The following SEC14L1 variants were observed in gnomAD, a reference collection of about 807,000 sequenced individuals.
SEC14L1 encodes SEC14-like protein 1.
In SEC14L1, 48 loss-of-function variants were observed where a neutral mutation model predicts 85.3. The observed-to-expected ratio is 0.56, with a 90% CI of 0.45 to 0.72. The LOEUF is 0.72. SEC14L1 is among the 30% of genes least tolerant of loss of function. The probability of loss-of-function intolerance (pLI) is 0.00; values close to 1 mark genes in which losing one functional copy is unlikely to be tolerated. For missense variants in SEC14L1, 682 were observed against 921.4 expected (o/e 0.74, Z 3.36); for synonymous variants, 391 against 355.5 (o/e 1.10, Z -1.12).
chr17:77,182,000 T>A (rs1308884486), intron 3 of SEC14L1, among the ~76,000 whole-genome samples: 3 of 152,132 alleles, frequency 2.0e-5, no homozygotes, highest in Admixed American at 6.5e-5. Context: ...GTAGAGAGAC[T>A]GAGGCCGTAG....
At chr17:77,158,539 G>A (rs1265947734) in intron 3 of SEC14L1, among the ~76,000 whole-genome samples, 1 of 152,012 alleles carries the variant, frequency 6.6e-6, no homozygotes, top group African/African-American at 2.4e-5. Context: ...TTGACCTTTT[G>A]TGTAACTGGG....
At chr17:77,088,776 C>T (rs1220145703) in exon 1 of SEC14L1, 1 of 152,342 alleles carries the variant, frequency 6.6e-6, no homozygotes, top group Non-Finnish European at 1.5e-5. Context: ...TGACTCAGGG[C>T]AGCCCTGACC....
intron 13 of SEC14L1, among the ~76,000 whole-genome samples, chr17:77,208,332 C>T (rs1480340742): frequency 1.3e-5 from 2 of 152,156 alleles, no homozygotes; most frequent in African/African-American, 4.8e-5. Context: ...TTCGTAGAAA[C>T]CTCTGAACTC....
At chr17:77,186,364 C>G (rs1366730984) in intron 3 of SEC14L1, among the ~76,000 whole-genome samples, 1 of 152,256 alleles carries the variant, frequency 6.6e-6, no homozygotes, top group African/African-American at 2.4e-5. Context: ...TGGCTGTGAA[C>G]AGACCCTGGC....
intron 3 of SEC14L1, among the ~76,000 whole-genome samples, chr17:77,135,871 T>C (rs371424711): frequency 6.6e-6 from 1 of 150,762 alleles, no homozygotes; most frequent in East Asian, 2.0e-4. Context: ...TCCTTCCTTC[T>C]CTTTCTTTTC....
chr17:77,166,061 A>G (rs1974264732), intron 3 of SEC14L1, among the ~76,000 whole-genome samples: 2 of 152,314 alleles, frequency 1.3e-5, no homozygotes, highest in East Asian at 3.9e-4. Flanking sequence ...CCTCCTTGAG[A>G]GGTTCATGTG....
chr17:77,195,181 A>C (rs1252620982), intron 7 of SEC14L1: 1 of 489,376 alleles, frequency 2.0e-6, no homozygotes, highest in African/African-American at 1.9e-5. Context: ...TTTGTTTAAG[A>C]AATGGGGTCT....
chr17:77,170,574 G>A (rs968348158), intron 3 of SEC14L1, among the ~76,000 whole-genome samples: 3 of 152,162 alleles, frequency 2.0e-5, no homozygotes, highest in Non-Finnish European at 1.5e-5. Flanking sequence ...TCAAAAGTGG[G>A]AATGTCAGTA....
In SEC14L1 at chr17:77,130,949, C is replaced by T. The variant is rs1972593834; in HGVS notation, c.-135-11697C>T. Among the ~76,000 whole-genome samples, 3 of 152,228 alleles carry T rather than the reference C, an allele frequency of 2.0e-5. No homozygotes were observed. The South Asian group carries it at 6.2e-4, about 32-fold the overall frequency. On this transcript the variant is annotated intron_variant, in intron 3 of 19. Transcript: ENST00000392476. ...GGCCTCATCAAAAGTTCATTTAGTT[C>T]AACCCAACAGATATTTAATAGGGTT...
At chr17:77,204,087 C>T (rs1484285281) in intron 10 of SEC14L1, among the ~76,000 whole-genome samples, 3 of 152,358 alleles carry the variant, frequency 2.0e-5, no homozygotes, top group South Asian at 4.1e-4. Flanking sequence ...CCCCGCTCCA[C>T]TGCTGCCGCC....
chr17:77,127,335 C>T (rs1477166061), intron 3 of SEC14L1, among the ~76,000 whole-genome samples: 1 of 150,906 alleles, frequency 6.6e-6, no homozygotes, highest in African/African-American at 2.5e-5. Flanking sequence ...TTTATGGTTT[C>T]AAGGGGTCTG....
At chr17:77,131,821 G>A (rs1287243927) in intron 3 of SEC14L1, among the ~76,000 whole-genome samples, 4 of 152,214 alleles carry the variant, frequency 2.6e-5, no homozygotes, top group Non-Finnish European at 5.9e-5. Context: ...ATTTTTGGGA[G>A]AGAATTCTGC....
chr17:77,209,481 G>C lies in SEC14L1; in HGVS notation c.1611+5G>C. 1 of 1,613,314 alleles carries C rather than the reference G, an allele frequency of 6.2e-7. No individual in the cohort carries two copies. The highest frequency in any genetic ancestry group is 8.5e-7 in the Non-Finnish European group (1 of 1,179,808). ...TTCAAAGGAGCCCCACATGAGGTACGTCCTCCGCCTTCCTGCACCTGGGCC... is the reference window on the plus strand; with the variant it reads ...TTCAAAGGAGCCCCACATGAGGTACCTCCTCCGCCTTCCTGCACCTGGGCC... On this transcript the variant is annotated splice_donor_5th_base_variant and intron_variant, in intron 14 of 16. Transcript: ENST00000436233.
intron 3 of SEC14L1, among the ~76,000 whole-genome samples, chr17:77,186,505 ATTGACTCCC>A (rs1299080377): frequency 6.6e-6 from 1 of 152,212 alleles, no homozygotes; most frequent in East Asian, 1.9e-4. Flanking sequence ...CATGGATGTC[ATTGACTCCC>A]TTCCCTCCCT....
At chr17:77,149,275 T>C (rs1190173555) in intron 3 of SEC14L1, among the ~76,000 whole-genome samples, 4 of 152,188 alleles carry the variant, frequency 2.6e-5, no homozygotes, top group Non-Finnish European at 4.4e-5. Flanking sequence ...TTGACAGTTA[T>C]TTGTCTTGTT....
In SEC14L1 at chr17:77,213,612, G is replaced by A; in HGVS notation, c.2042+120G>A. The stretch of plus-strand genomic sequence containing the variant: ...GGCGGGTGTCAGGAATGCTTGGAGG[G>A]CCAGGAGGGAGTGGCTTTGGGGTCA... On this transcript the variant is annotated intron_variant, in intron 16 of 16. Transcript: ENST00000436233. This position sits in a 1 kb window ranked among gnomAD's most constrained non-coding sequence, Gnocchi z 7.1. The A allele has an allele frequency of 1.6e-6, 2 of 1,239,844 alleles. No homozygotes were observed. The highest frequency in any genetic ancestry group is 2.3e-6 in the Non-Finnish European group (2 of 872,376). 76.8% of individuals were successfully genotyped at this position (1,239,844 alleles called of 1,614,324 possible). A position where few individuals can be genotyped will look rare whatever the true frequency, so the allele number is the denominator to read the frequency against.
At chr17:77,158,143 C>T (rs1973891482) in intron 3 of SEC14L1, among the ~76,000 whole-genome samples, 1 of 152,226 alleles carries the variant, frequency 6.6e-6, no homozygotes, top group African/African-American at 2.4e-5. Context: ...CCACCTTGGC[C>T]TTCCAAAGTG....
At chr17:77,190,745 G>T in intron 3 of SEC14L1, 58 bp from the exon 4 acceptor site, 1 of 1,581,258 alleles carries the variant, frequency 6.3e-7, no homozygotes, top group Non-Finnish European at 8.7e-7. Flanking sequence ...ACAGTCAGCG[G>T]CAGGACATCA....
chr17:77,162,375 AC>A (rs1344393654), intron 3 of SEC14L1, among the ~76,000 whole-genome samples: 1 of 152,198 alleles, frequency 6.6e-6, no homozygotes, highest in African/African-American at 2.4e-5. Context: ...TACTGATTTG[AC>A]AGCCATTTTA....
Sources: allele counts gnomAD v4.1 joint callset (sites outside exome capture counted in the v4.1 genomes callset), GRCh38; gene constraint gnomAD v4.1.1; non-coding constraint Gnocchi (gnomAD v3.1); transcripts MANE v1.5; gene names NCBI Gene and HGNC (gene_info 2026-07-23, HGNC 2026-07-21).